ANKRD55: variants seen among roughly 807,000 people sequenced by gnomAD.
ANKRD55 encodes the protein ankyrin repeat domain-containing protein 55.
In ANKRD55, 41 loss-of-function variants were observed where a neutral mutation model predicts 60.6. That is an observed-to-expected ratio of 0.68 (90% CI 0.53 to 0.88). ANKRD55 has a LOEUF of 0.88. Ranked by LOEUF, ANKRD55 falls within the 40% of genes least tolerant of loss-of-function variation. The pLI is 0.00. For missense variants in ANKRD55, 732 were observed against 767.6 expected (o/e 0.95, Z 0.55); for synonymous variants, 264 against 290.3 (o/e 0.91, Z 0.92).
intron 2 of ANKRD55, among the ~76,000 whole-genome samples, chr5:56,206,015 G>A (rs192846654): frequency 3.6e-5 from 5 of 139,754 alleles, no homozygotes; most frequent in Admixed American, 1.5e-4. Context: ...GACTCCCATC[G>A]CCCAGGCTGG....
intron 2 of ANKRD55, among the ~76,000 whole-genome samples, chr5:56,203,328 GT>G (rs1759422905): frequency 6.6e-6 from 1 of 151,886 alleles, no homozygotes; most frequent in Non-Finnish European, 1.5e-5. Context: ...AGATCTGATG[GT>G]TTTTTTAAAA....
rs184877802 is a variant in ANKRD55, at chr5:56,221,007, A to G, written c.58+11849T>C. 9.3e-4 allele frequency among the ~76,000 whole-genome samples: 142 copies of G among 152,278 alleles called. 3 individuals are homozygous for G. In the Middle Eastern group the frequency reaches 0.027, roughly 29 times the overall value. ...ACATATAATTTGCTTCTAAACCAGT[A>G]CTGGTTTGCATCTTGTCTTTATTTA... On this transcript the variant is annotated intron_variant, in intron 2 of 11. Coordinates refer to ENST00000341048, the MANE Select transcript of ANKRD55 (RefSeq NM_024669.3).
chr5:56,139,660 A>G (rs1050353832), intron 7 of ANKRD55, among the ~76,000 whole-genome samples: 3 of 152,282 alleles, frequency 2.0e-5, no homozygotes, highest in Admixed American at 2.0e-4. Flanking sequence ...AGATTACGTG[A>G]GCTTGAGAGG....
At chr5:56,153,017 GA>G (rs768308917) in intron 6 of ANKRD55, among the ~76,000 whole-genome samples, 25 of 152,042 alleles carry the variant, frequency 1.6e-4, no homozygotes, top group Admixed American at 2.6e-4. Flanking sequence ...AACAGCCTAC[GA>G]AAAAGTATTT....
intron 5 of ANKRD55, 22 bp downstream of exon 5, chr5:56,170,672 T>A (rs546536298): frequency 6.2e-7 from 1 of 1,600,130 alleles, no homozygotes; most frequent in Non-Finnish European, 8.6e-7. Context: ...AACTTGAGCA[T>A]CATGTAAACC....
chr5:56,167,032 CA>C (rs1758500377), intron 5 of ANKRD55, among the ~76,000 whole-genome samples: 1 of 152,224 alleles, frequency 6.6e-6, no homozygotes, highest in Non-Finnish European at 1.5e-5. Context: ...TAAAATTTCT[CA>C]AACAACTATA....
intron 3 of ANKRD55, among the ~76,000 whole-genome samples, chr5:56,181,369 T>A (rs546437697): frequency 1.3e-5 from 2 of 152,286 alleles, no homozygotes; most frequent in East Asian, 3.9e-4. Context: ...TACTCTTCCT[T>A]ATGTTGAAGA....
intron 9 of ANKRD55, among the ~76,000 whole-genome samples, chr5:56,116,269 G>A (rs1756884283): frequency 6.6e-6 from 1 of 152,144 alleles, no homozygotes; most frequent in African/African-American, 2.4e-5. Context: ...GAGAACGAAA[G>A]TTTGAGACTC....
intron 2 of ANKRD55, among the ~76,000 whole-genome samples, chr5:56,220,340 T>C (rs1196269340): frequency 2.0e-5 from 3 of 152,114 alleles, no homozygotes; most frequent in Non-Finnish European, 4.4e-5. Flanking sequence ...CTCAGGTTAT[T>C]GGGGGCACAA....
chr5:56,204,996 T>C (rs1305564703), intron 2 of ANKRD55, among the ~76,000 whole-genome samples: 1 of 152,212 alleles, frequency 6.6e-6, no homozygotes, highest in Non-Finnish European at 1.5e-5. Flanking sequence ...TCATGTTCAG[T>C]TGAACATGAT....
chr5:56,222,696 T>C (rs1051259609), intron 2 of ANKRD55, among the ~76,000 whole-genome samples: 2 of 152,178 alleles, frequency 1.3e-5, no homozygotes, highest in African/African-American at 4.8e-5. Context: ...ACGAGAACTA[T>C]GTGACACATG....
At chr5:56,124,885 A>G (rs1376204488) in intron 8 of ANKRD55, among the ~76,000 whole-genome samples, 1 of 152,134 alleles carries the variant, frequency 6.6e-6, no homozygotes, top group Non-Finnish European at 1.5e-5. Flanking sequence ...GAAAACGTGG[A>G]AAAAAATGGA....
chr5:56,176,252 C>G lies in ANKRD55; in HGVS notation c.212G>C (p.Gly71Ala), dbSNP rs751455878. The change falls in exon 4 of 12, where the codon GGA (glycine) becomes GCA (alanine). Residue 71 changes from glycine (G) to alanine (A), a missense_variant. Physicochemically the swap from Gly to Ala is moderately conservative, Grantham distance 60. Coordinates refer to ENST00000341048, the MANE Select transcript of ANKRD55 (RefSeq NM_024669.3). ...CAGCTTCACTGTGTCCGCTTGACGTCCAGAAACCGCATGCATCAAGGGCGT... is the reference window on the plus strand; with the variant it reads ...CAGCTTCACTGTGTCCGCTTGACGTGCAGAAACCGCATGCATCAAGGGCGT... ...GCTPLMHAVS[G>A]RQADTVKLLL... The G allele has an allele frequency of 1.9e-6, 3 of 1,614,196 alleles. No homozygotes were observed. In the South Asian group the frequency reaches 3.3e-5, roughly 18 times the overall value.
At chr5:56,122,350 T>C (rs1757090284) in intron 8 of ANKRD55, among the ~76,000 whole-genome samples, 1 of 152,176 alleles carries the variant, frequency 6.6e-6, no homozygotes, top group Non-Finnish European at 1.5e-5. Context: ...CATAGTTGTA[T>C]TCAAGATTGA....
intron 7 of ANKRD55, among the ~76,000 whole-genome samples, chr5:56,131,571 G>T (rs142095182): frequency 0.043 from 6,608 of 151,996 alleles, 484 homozygotes; most frequent in African/African-American, 0.15. Context: ...TGAGGCAGGT[G>T]GATCACCTGA....
intron 6 of ANKRD55, among the ~76,000 whole-genome samples, chr5:56,149,090 A>G (rs923240387): frequency 1.3e-5 from 2 of 152,234 alleles, no homozygotes; most frequent in Admixed American, 6.5e-5. Context: ...TAAAAACTAG[A>G]TGGTGTTACA....
chr5:56,130,151 G>C (rs991475442), intron 7 of ANKRD55, among the ~76,000 whole-genome samples: 1 of 152,214 alleles, frequency 6.6e-6, no homozygotes, highest in Non-Finnish European at 1.5e-5. Flanking sequence ...TCTGGAGAGA[G>C]AGCAGAAGAT....
intron 10 of ANKRD55, among the ~76,000 whole-genome samples, chr5:56,109,079 A>ACACACC (rs1554036215): frequency 7.1e-6 from 1 of 140,216 alleles, no homozygotes; most frequent in East Asian, 2.0e-4. Flanking sequence ...ACACACACAC[A>ACACACC]CCCCACCGCC....
chr5:56,111,749 G>T lies in ANKRD55; in HGVS notation c.999C>A (p.Ser333Arg), dbSNP rs1259865266. 34 of 1,513,798 alleles carry T rather than the reference G, an allele frequency of 2.2e-5. No individual in the cohort carries two copies. Among genetic ancestry groups the T allele is most frequent in the Non-Finnish European group, 3.0e-5 (34 of 1,135,672 alleles). 93.8% of individuals were successfully genotyped at this position (1,513,798 alleles called of 1,614,324 possible). Reference sequence around the variant, plus strand: ...GTCTCTCCTTCTTCTGGGGCCGACTGCTCTGGGAGGGAGGGGGTCGAGTAG... The same window carrying T: ...GTCTCTCCTTCTTCTGGGGCCGACTTCTCTGGGAGGGAGGGGGTCGAGTAG... ...TEPTRPPPSQ[S>R]SRPQKKERRF... The change falls in exon 10 of 12, where the codon AGC (serine) becomes AGA (arginine). Residue 333 changes from serine to arginine, a missense_variant. Ser to Arg is a moderately radical substitution (Grantham distance 110, BLOSUM62 -1). Transcript: ENST00000341048.
Sources: gnomAD v4.1 joint callset for allele counts (sites outside exome capture counted in the v4.1 genomes callset) on GRCh38, gnomAD v4.1.1 for gene constraint, MANE v1.5 for transcripts, NCBI Gene and HGNC (gene_info 2026-07-23, HGNC 2026-07-21) for gene names.